Variants in MEGF11 observed in about 807,000 individuals in gnomAD.
MEGF11 encodes multiple epidermal growth factor-like domains protein 11.
A neutral mutation model predicts 146.6 loss-of-function variants in MEGF11; 126 were observed. The observed-to-expected ratio is 0.86, with a 90% confidence interval of 0.74 to 1.00. MEGF11 has a LOEUF of 1.00. MEGF11 is among the 50% of genes least tolerant of loss of function. The pLI, the probability that MEGF11 is intolerant of heterozygous loss-of-function variation, is 0.00. For missense variants in MEGF11, 1,509 were observed against 1,521.2 expected (o/e 0.99, Z 0.13); for synonymous variants, 532 against 583.4 (o/e 0.91, Z 1.27).
intron 5 of MEGF11, among the ~76,000 whole-genome samples, chr15:65,990,513 G>C (rs192152706): frequency 2.4e-4 from 36 of 151,530 alleles, no homozygotes; most frequent in Non-Finnish European, 4.0e-4. Context: ...TGGCGCCACT[G>C]TACTCCAACC....
chr15:66,175,999 G>A (rs2141131909), intron 1 of MEGF11, among the ~76,000 whole-genome samples: 1 of 152,142 alleles, frequency 6.6e-6, no homozygotes, highest in African/African-American at 2.4e-5. Context: ...TAAAAACTGG[G>A]CAAACGATCT....
intron 5 of MEGF11, among the ~76,000 whole-genome samples, chr15:66,090,555 G>C (rs2086278464): frequency 6.6e-6 from 1 of 152,226 alleles, no homozygotes; most frequent in African/African-American, 2.4e-5. Flanking sequence ...GTGCTGCCCA[G>C]ACCCCCATGG....
chr15:66,030,856 G>A (rs764211997), intron 5 of MEGF11, among the ~76,000 whole-genome samples: 5 of 152,288 alleles, frequency 3.3e-5, no homozygotes, highest in Admixed American at 1.3e-4. Context: ...TACTGCTAAC[G>A]AGCATTACAT....
chr15:66,158,975 C>T (rs1019962032), intron 1 of MEGF11, among the ~76,000 whole-genome samples: 4 of 152,216 alleles, frequency 2.6e-5, no homozygotes, highest in Admixed American at 6.5e-5. Context: ...AAAGGGACAA[C>T]ATTTTAAGCT....
intron 1 of MEGF11, among the ~76,000 whole-genome samples, chr15:66,135,396 C>T (rs921180314): frequency 2.6e-5 from 4 of 152,212 alleles, no homozygotes; most frequent in African/African-American, 7.2e-5. Context: ...TTATTGAATG[C>T]TCATCAGTCA....
chr15:65,912,431 G>C (rs1596824658), intron 20 of MEGF11: 1 of 332,032 alleles, frequency 3.0e-6, no homozygotes, highest in Non-Finnish European at 5.4e-6. Flanking sequence ...TGCAGGATAG[G>C]CTCACCTGTG....
chr15:66,112,575 T>C (rs1456916249), intron 4 of MEGF11, among the ~76,000 whole-genome samples: 1 of 152,182 alleles, frequency 6.6e-6, no homozygotes, highest in Non-Finnish European at 1.5e-5. Context: ...AGAGGTGTGG[T>C]TGGCAATTTT....
rs546809876 is a variant in MEGF11 at position 65,973,131 on chromosome 15, A to G, written c.763-2442T>C. On this transcript the variant is annotated intron_variant, in intron 7 of 25. Transcript: ENST00000395614. ...AAACTCTGTCTCAAAAAAAAAAAAAAAAGAATTACCCAAGAAAAAGAAAGG... is the reference window on the plus strand; with the variant it reads ...AAACTCTGTCTCAAAAAAAAAAAAAGAAGAATTACCCAAGAAAAAGAAAGG... Among the ~76,000 whole-genome samples, 679 of 151,930 alleles carry G rather than the reference A, an allele frequency of 4.5e-3. 4 individuals carry two copies. Among genetic ancestry groups the G allele is most frequent in the African/African-American group, 0.015 (640 of 41,354 alleles).
intron 1 of MEGF11, among the ~76,000 whole-genome samples, chr15:66,203,981 G>A (rs531096547): frequency 2.4e-4 from 37 of 152,112 alleles, no homozygotes; most frequent in African/African-American, 7.9e-4. Context: ...GGTGGTTCAC[G>A]CCTGTAATCC....
chr15:66,097,889 G>A (rs975373186), intron 4 of MEGF11, among the ~76,000 whole-genome samples: 6 of 152,120 alleles, frequency 3.9e-5, no homozygotes, highest in African/African-American at 1.4e-4. Context: ...TCCAGCAGCA[G>A]ATCTGTCACT....
At chr15:66,241,106 C>T (rs1445720670) in intron 1 of MEGF11, among the ~76,000 whole-genome samples, 1 of 152,168 alleles carries the variant, frequency 6.6e-6, no homozygotes, top group Admixed American at 6.5e-5. Flanking sequence ...ATTCCCTGCC[C>T]TCTTGGGATC....
intron 1 of MEGF11, among the ~76,000 whole-genome samples, chr15:66,203,137 C>A (rs916134192): frequency 4.6e-5 from 7 of 152,200 alleles, no homozygotes; most frequent in Admixed American, 2.6e-4. Flanking sequence ...CCTGTGCCCA[C>A]CCCAGCAATC....
chr15:66,214,546 C>A (rs1238065623), intron 1 of MEGF11, among the ~76,000 whole-genome samples: 1 of 152,178 alleles, frequency 6.6e-6, no homozygotes, highest in Non-Finnish European at 1.5e-5. Flanking sequence ...GAAGAAGGGG[C>A]AGGCCTCTGG....
chr15:65,976,282 CCA>C (rs1285806805), intron 7 of MEGF11, among the ~76,000 whole-genome samples: 3 of 152,142 alleles, frequency 2.0e-5, no homozygotes, highest in Admixed American at 6.5e-5. Flanking sequence ...CTCAGGTGAT[CCA>C]CCCGCCTCGG....
intron 7 of MEGF11, among the ~76,000 whole-genome samples, chr15:65,975,057 G>A (rs1172773084): frequency 6.6e-6 from 1 of 152,120 alleles, no homozygotes; most frequent in Non-Finnish European, 1.5e-5. Context: ...ATGTTGGCCA[G>A]GCTGGTCTTG....
intron 21 of MEGF11, among the ~76,000 whole-genome samples, chr15:65,911,426 T>G (rs2078801686): frequency 6.6e-6 from 1 of 152,250 alleles, no homozygotes; most frequent in Admixed American, 6.5e-5. Context: ...TTGTTGTTGT[T>G]TTTTGAGGTG....
intron 10 of MEGF11, among the ~76,000 whole-genome samples, chr15:65,954,483 C>T (rs2080509716): frequency 6.6e-6 from 1 of 152,190 alleles, no homozygotes; most frequent in Non-Finnish European, 1.5e-5. Context: ...GTTCTGTAAT[C>T]ACCTCCTGCA....
chr15:65,922,764 G>A (rs2079219095), intron 14 of MEGF11, 59 bp downstream of exon 14: 2 of 1,571,482 alleles, frequency 1.3e-6, no homozygotes, highest in Admixed American at 1.9e-5. Context: ...AGTTCCAACT[G>A]GAGAGGGCTA....
At chr15:65,918,851 C>T (rs193148450) in intron 15 of MEGF11, among the ~76,000 whole-genome samples, 1 of 152,324 alleles carries the variant, frequency 6.6e-6, no homozygotes, top group Admixed American at 6.5e-5. Context: ...GAGTATTTAA[C>T]CTTTTGTTTC....
Sources: gnomAD v4.1 joint callset for allele counts (sites outside exome capture counted in the v4.1 genomes callset) on GRCh38, gnomAD v4.1.1 for gene constraint, MANE v1.5 for transcripts, NCBI Gene and HGNC (gene_info 2026-07-23, HGNC 2026-07-21) for gene names.